PRKX: variants seen among roughly 807,000 people sequenced by gnomAD.
PRKX encodes the protein protein kinase cAMP-dependent X-linked catalytic subunit.
Under a neutral mutation model 22.0 loss-of-function variants are expected in PRKX, and 12 were observed. That is an observed-to-expected ratio of 0.54 (90% CI 0.35 to 0.88). The LOEUF (loss-of-function observed/expected upper bound fraction) is 0.88, where lower values mean the gene tolerates loss of function less well. PRKX is among the 40% of genes least tolerant of loss of function. The probability of loss-of-function intolerance (pLI) is 0.01; values close to 1 mark genes in which losing one functional copy is unlikely to be tolerated. For missense variants in PRKX, 217 were observed against 308.0 expected (o/e 0.70, Z 2.21); for synonymous variants, 134 against 137.7 (o/e 0.97, Z 0.19).
In PRKX at chrX:3,689,710, G is replaced by A. The variant is rs749932267; in HGVS notation, c.167-14944C>T. On this transcript the variant is annotated intron_variant, in intron 1 of 8. Coordinates refer to ENST00000262848, the MANE Select transcript of PRKX (RefSeq NM_005044.5). ...ATGAATGAATGGGCTGGGCGCGGTG[G>A]CTCACACCTGTAATCCCAACACTTT... Among the ~76,000 whole-genome samples the A allele has an allele frequency of 7.1e-4, 79 of 111,927 alleles. 1 individual carries two copies. Among genetic ancestry groups the A allele is most frequent in the South Asian group, 1.8e-3 (5 of 2,718 alleles).
intron 1 of PRKX, among the ~76,000 whole-genome samples, chrX:3,683,719 G>A (rs1030574071): frequency 1.4e-4 from 15 of 111,084 alleles, no homozygotes; most frequent in African/African-American, 2.6e-4. Flanking sequence ...CACAGCCGTC[G>A]TCCCAACTAC....
intron 1 of PRKX, among the ~76,000 whole-genome samples, chrX:3,677,433 G>A (rs1309855841): frequency 1.9e-5 from 2 of 105,378 alleles, no homozygotes; most frequent in Non-Finnish European, 3.9e-5. Flanking sequence ...AGGCTCAAGT[G>A]ACCCTCCCAC....
intron 4 of PRKX, among the ~76,000 whole-genome samples, chrX:3,640,333 C>T (rs1476686406): frequency 9.0e-6 from 1 of 111,311 alleles, no homozygotes; most frequent in Admixed American, 9.6e-5. Flanking sequence ...TGCAGAGCCA[C>T]ATGGTGCAAC....
chrX:3,624,869 C>A (rs1926629580), intron 5 of PRKX, among the ~76,000 whole-genome samples: 1 of 111,111 alleles, frequency 9.0e-6, no homozygotes. Context: ...AAGCAATCCT[C>A]CCACTTCGGA....
intron 1 of PRKX, among the ~76,000 whole-genome samples, chrX:3,701,549 G>T (rs1242445598): frequency 8.9e-6 from 1 of 112,365 alleles, no homozygotes; most frequent in East Asian, 2.8e-4. Flanking sequence ...AATTCCCTAT[G>T]ACATTGTCTC....
intron 4 of PRKX, among the ~76,000 whole-genome samples, chrX:3,632,101 G>C (rs1329165989): frequency 1.8e-5 from 2 of 112,168 alleles, no homozygotes; most frequent in Admixed American, 1.9e-4. Flanking sequence ...GGAAATGAAA[G>C]TTACCAGAGA....
intron 1 of PRKX, among the ~76,000 whole-genome samples, chrX:3,678,323 G>T (rs762723876): frequency 2.8e-4 from 31 of 111,536 alleles, no homozygotes; most frequent in African/African-American, 1.0e-3. Context: ...CCTCTATCTG[G>T]TTCCTTCCTC....
intron 1 of PRKX, among the ~76,000 whole-genome samples, chrX:3,689,342 T>A (rs951679225): frequency 8.9e-6 from 1 of 112,487 alleles, no homozygotes; most frequent in African/African-American, 3.2e-5. Flanking sequence ...TATAATGACC[T>A]TCTATTTTAT....
chrX:3,693,904 C>T (rs1205365890), intron 1 of PRKX, among the ~76,000 whole-genome samples: 12 of 92,860 alleles, frequency 1.3e-4, no homozygotes, highest in Admixed American at 7.6e-4. Flanking sequence ...TGCGCCACTG[C>T]ACTCCAGCCT....
At chrX:3,648,698 T>A (rs1478641888) in intron 3 of PRKX, among the ~76,000 whole-genome samples, 2 of 104,652 alleles carry the variant, frequency 1.9e-5, no homozygotes, top group African/African-American at 7.1e-5. Flanking sequence ...AGGTTCAATG[T>A]TATCCCTATA....
At chrX:3,672,205 CTATATA>C (rs1408797155) in intron 2 of PRKX, among the ~76,000 whole-genome samples, 1 of 109,365 alleles carries the variant, frequency 9.1e-6, no homozygotes, top group African/African-American at 3.3e-5. Context: ...AAATGTAAAT[CTATATA>C]TATACTTTTT....
chrX:3,666,907 C>CT (rs759458110), intron 2 of PRKX, among the ~76,000 whole-genome samples: 43 of 50,375 alleles, frequency 8.5e-4, no homozygotes, highest in East Asian at 4.7e-3. Flanking sequence ...GACCTCATTT[C>CT]TTTTAAAAAA....
rs1926217323 is a variant in PRKX, at chrX:3,607,984, T to C, written c.*985A>G. The C allele has an allele frequency of 9.6e-6, 1 of 103,851 alleles. No homozygotes were observed. Among genetic ancestry groups the C allele is most frequent in the Non-Finnish European group, 2.0e-5 (1 of 51,276 alleles). The allele number at this position is 103,851 out of a possible 1,213,427, so 8.6% of individuals were successfully genotyped here. On this transcript the variant is annotated 3_prime_UTR_variant, in exon 9 of 9. Coordinates refer to ENST00000262848, the MANE Select transcript of PRKX (RefSeq NM_005044.5). ...CGGCCTGGACCTCCCCAGGCTCAAGTGATCCTCTCATCTCAGCCTCCTGAG... is the reference window on the plus strand; with the variant it reads ...CGGCCTGGACCTCCCCAGGCTCAAGCGATCCTCTCATCTCAGCCTCCTGAG...
intron 1 of PRKX, among the ~76,000 whole-genome samples, chrX:3,698,496 G>A (rs1184755568): frequency 1.8e-5 from 2 of 110,729 alleles, no homozygotes; most frequent in Admixed American, 1.9e-4. Context: ...AAAAGAAGTA[G>A]GTTTTCACTT....
chrX:3,712,819 G>C (rs1928819328), intron 1 of PRKX, among the ~76,000 whole-genome samples: 1 of 112,670 alleles, frequency 8.9e-6, no homozygotes, highest in African/African-American at 3.2e-5. Flanking sequence ...GTGTGCTGGG[G>C]GTGGAGGGTG....
chrX:3,686,562 C>CT (rs57037374), intron 1 of PRKX, among the ~76,000 whole-genome samples: 13,740 of 100,215 alleles, frequency 0.14, 903 homozygotes, highest in East Asian at 0.38. Flanking sequence ...TGTTTTAAAT[C>CT]TTTTTTTTTT....
intron 6 of PRKX, among the ~76,000 whole-genome samples, chrX:3,618,940 C>G (rs1376483652): frequency 8.9e-6 from 1 of 111,975 alleles, no homozygotes; most frequent in African/African-American, 3.2e-5. Flanking sequence ...GAGTCCACAC[C>G]GTGCAACCTG....
intron 5 of PRKX, 135 bp from the exon 6 acceptor site, chrX:3,621,451 T>C (rs775034760): frequency 2.2e-5 from 12 of 536,207 alleles, no homozygotes; most frequent in South Asian, 1.9e-4. Flanking sequence ...GGCAAAACAC[T>C]TTCTAGTGCT....
chrX:3,635,765 A>G lies in PRKX; in HGVS notation c.719+6087T>C, dbSNP rs1245733733. On this transcript the variant is annotated intron_variant, in intron 4 of 8. Transcript: ENST00000262848. Reference sequence around the variant, plus strand: ...ACCACACCCAGCTAGTTTTATTTTTATTTTTTGTAGAGATGGGGTCCCACT... The same window carrying G: ...ACCACACCCAGCTAGTTTTATTTTTGTTTTTTGTAGAGATGGGGTCCCACT... 3.6e-5 allele frequency among the ~76,000 whole-genome samples: 4 copies of G among 110,564 alleles called. No individual in the cohort carries two copies. In the East Asian group the frequency reaches 1.1e-3, roughly 31 times the overall value.
Sources: gnomAD v4.1 joint callset for allele counts (sites outside exome capture counted in the v4.1 genomes callset) on GRCh38, gnomAD v4.1.1 for gene constraint, MANE v1.5 for transcripts, NCBI Gene and HGNC (gene_info 2026-07-23, HGNC 2026-07-21) for gene names.